The following TYW1 variants were observed in gnomAD, a reference collection of about 807,000 sequenced individuals.
The protein encoded by TYW1 is tRNA-yW synthesizing protein 1 homolog.
A neutral mutation model predicts 96.2 loss-of-function variants in TYW1; 46 were observed. The ratio of observed to expected loss-of-function variants is 0.48; its 90% CI spans 0.38 to 0.61. The LOEUF (loss-of-function observed/expected upper bound fraction) is 0.61, where lower values mean the gene tolerates loss of function less well. TYW1 is among the 20% of genes least tolerant of loss of function. The probability of loss-of-function intolerance (pLI) is 0.00; values close to 1 mark genes in which losing one functional copy is unlikely to be tolerated. For missense variants in TYW1, 684 were observed against 909.6 expected, an observed-to-expected ratio of 0.75 and a Z score of 3.19; for synonymous variants, 274 against 323.0, an observed-to-expected ratio of 0.85 and a Z score of 1.63.
At chr7:67,156,493 A>G (rs1440262761) in intron 13 of TYW1, among the ~76,000 whole-genome samples, 1 of 152,226 alleles carries the variant, frequency 6.6e-6, no homozygotes, top group Non-Finnish European at 1.5e-5. Flanking sequence ...GGCCCTAGGC[A>G]GGTAGCTCCC....
chr7:67,148,206 A>G (rs1798668029), intron 13 of TYW1, among the ~76,000 whole-genome samples: 1 of 151,746 alleles, frequency 6.6e-6, no homozygotes, highest in African/African-American at 2.4e-5. Flanking sequence ...AAGATGTAAG[A>G]GAGTTGATCT....
intron 12 of TYW1, among the ~76,000 whole-genome samples, chr7:67,100,850 C>CAA (rs57665696): frequency 0.29 from 22,117 of 75,310 alleles, 3,407 homozygotes; most frequent in African/African-American, 0.44. Context: ...GGCTACAGAG[C>CAA]AAAAAAAAAA....
At chr7:67,082,344 G>A (rs1218302766) in intron 10 of TYW1, among the ~76,000 whole-genome samples, 5 of 152,164 alleles carry the variant, frequency 3.3e-5, no homozygotes, top group African/African-American at 4.8e-5. Flanking sequence ...TCCTCTAGAC[G>A]GGTACAGTAG....
chr7:67,049,749 C>T (rs13311421), intron 7 of TYW1, among the ~76,000 whole-genome samples, 200 bp from the exon 8 acceptor site: 2,349 of 151,962 alleles, frequency 0.015, 57 homozygotes, highest in African/African-American at 0.053. Flanking sequence ...GTTTCACCAT[C>T]TTGGCCGGGC....
chr7:67,081,264 A>T (rs1584537232), intron 10 of TYW1, among the ~76,000 whole-genome samples: 5 of 121,118 alleles, frequency 4.1e-5, no homozygotes, highest in African/African-American at 6.3e-5. Flanking sequence ...ATATCATCCC[A>T]TTCTCTCCTG....
intron 15 of TYW1, among the ~76,000 whole-genome samples, chr7:67,225,287 A>T (rs1801526324): frequency 6.6e-6 from 1 of 151,878 alleles, no homozygotes; most frequent in Non-Finnish European, 1.5e-5. Context: ...TACAAAGCCT[A>T]CTTTGAACAA....
At chr7:67,045,559 T>C (rs754162795) in intron 7 of TYW1, among the ~76,000 whole-genome samples, 1 of 152,198 alleles carries the variant, frequency 6.6e-6, no homozygotes, top group Non-Finnish European at 1.5e-5. Flanking sequence ...CAAAAAACAT[T>C]AGCACCACTG....
intron 12 of TYW1, among the ~76,000 whole-genome samples, chr7:67,105,151 T>C (rs1426995409): frequency 6.6e-6 from 1 of 152,246 alleles, no homozygotes; most frequent in African/African-American, 2.4e-5. Flanking sequence ...TCACTTCCCA[T>C]GGACCAAAGC....
At chr7:67,038,195 C>G (rs1454268318) in intron 7 of TYW1, among the ~76,000 whole-genome samples, 1 of 152,056 alleles carries the variant, frequency 6.6e-6, no homozygotes, top group Non-Finnish European at 1.5e-5. Context: ...CCCAACTACT[C>G]AGGAGGCTGA....
At chr7:67,223,557 G>A (rs1801464444) in intron 15 of TYW1, among the ~76,000 whole-genome samples, 1 of 151,264 alleles carries the variant, frequency 6.6e-6, no homozygotes, top group South Asian at 2.1e-4. Flanking sequence ...GAGTAGGGAT[G>A]GGGGAAGCAC....
chr7:67,008,977 C>T (rs1402783897), intron 3 of TYW1, among the ~76,000 whole-genome samples: 1 of 152,016 alleles, frequency 6.6e-6, no homozygotes. Context: ...TTCACTATTT[C>T]TTTTTGCACT....
intron 15 of TYW1, among the ~76,000 whole-genome samples, chr7:67,209,358 C>T (rs968931791): frequency 6.6e-6 from 1 of 152,158 alleles, no homozygotes; most frequent in African/African-American, 2.4e-5. Flanking sequence ...TTAAATGTAA[C>T]CTTGGTCCTA....
At chr7:67,021,123 C>T (rs1294016268) in intron 6 of TYW1, among the ~76,000 whole-genome samples, 1 of 152,288 alleles carries the variant, frequency 6.6e-6, no homozygotes, top group Non-Finnish European at 1.5e-5. Flanking sequence ...CTTTTCTTCC[C>T]TAGGGGATTG....
chr7:67,074,071 C>CAAAAAAAAAAAAAAAAAAAAA, intron 10 of TYW1, among the ~76,000 whole-genome samples: 1 of 83,870 alleles, frequency 1.2e-5, no homozygotes, highest in South Asian at 4.3e-4. Flanking sequence ...TACTCCATCT[C>CAAAAAAAAAAAAAAAAAAAAA]AAAAAAAAAA....
At chr7:67,110,165 C>T (rs1416815357) in intron 12 of TYW1, among the ~76,000 whole-genome samples, 1 of 152,150 alleles carries the variant, frequency 6.6e-6, no homozygotes, top group African/African-American at 2.4e-5. Context: ...GTGGCATTAA[C>T]AGCTAGGGCA....
intron 10 of TYW1, among the ~76,000 whole-genome samples, chr7:67,079,976 A>G (rs1358456843): frequency 6.6e-6 from 1 of 152,138 alleles, no homozygotes; most frequent in Non-Finnish European, 1.5e-5. Flanking sequence ...TGATTTTTTA[A>G]CATTTTTTGA....
chr7:67,159,774 A>G (rs1014741684), intron 13 of TYW1, among the ~76,000 whole-genome samples: 1 of 137,052 alleles, frequency 7.3e-6, no homozygotes, highest in African/African-American at 2.8e-5. Flanking sequence ...CATTGTAACA[A>G]TATCACAAAA....
chr7:67,160,094 G>A (rs887436097), intron 13 of TYW1, among the ~76,000 whole-genome samples: 4 of 152,020 alleles, frequency 2.6e-5, no homozygotes, highest in Admixed American at 2.6e-4. Flanking sequence ...GAGCCACCAC[G>A]CCTGGCCCCA....
In TYW1 at chr7:67,035,961, G is replaced by A. The variant is rs141389323; in HGVS notation, c.984+10939G>A. Among the ~76,000 whole-genome samples the A allele has an allele frequency of 3.4e-4, 51 of 150,722 alleles. No individual in the cohort carries two copies. The East Asian group carries it at 9.9e-3, about 29-fold the overall frequency. ...CAAAGTGCTGGGATTACAGGCGTGAGCCACTGTGCCCGGCCGGTTCTATTG... is the reference window on the plus strand; with the variant it reads ...CAAAGTGCTGGGATTACAGGCGTGAACCACTGTGCCCGGCCGGTTCTATTG... On this transcript the variant is annotated intron_variant, in intron 7 of 15. Coordinates refer to ENST00000359626, the MANE Select transcript of TYW1 (RefSeq NM_018264.4).
Sources: gnomAD v4.1 joint callset for allele counts (sites outside exome capture counted in the v4.1 genomes callset) on GRCh38, gnomAD v4.1.1 for gene constraint, MANE v1.5 for transcripts, NCBI Gene and HGNC (gene_info 2026-07-23, HGNC 2026-07-21) for gene names.